USP42: variants seen among roughly 807,000 people sequenced by gnomAD.
The protein encoded by USP42 is ubiquitin carboxyl-terminal hydrolase 42.
USP42 carries 23 observed loss-of-function variants against 113.0 expected under a neutral mutation model. The observed-to-expected ratio is 0.20, with a 90% CI of 0.15 to 0.29. The LOEUF is 0.29. Ranked by LOEUF, USP42 falls within the 10% of genes least tolerant of loss-of-function variation. USP42 has a pLI of 1.00. For synonymous variants in USP42, 933 were observed against 699.0 expected (o/e 1.33, Z -5.28); for missense variants, 2,174 against 1,779.8 (o/e 1.22, Z -3.99).
chr7:6,086,570 A>C, the USP42 span, among the ~76,000 whole-genome samples: 44 of 150,418 alleles, frequency 2.9e-4, 3 homozygotes, highest in African/African-American at 1.0e-3. Context: ...TGCTGGTTTC[A>C]AACTCCTGAC....
At chr7:6,082,452 C>T in the USP42 span, among the ~76,000 whole-genome samples, 2 of 145,870 alleles carry the variant, frequency 1.4e-5, no homozygotes, top group African/African-American at 5.6e-5. Flanking sequence ...TCCACCTAAA[C>T]ATATAAAATA....
the USP42 span, among the ~76,000 whole-genome samples, chr7:6,092,181 T>C: frequency 8.6e-5 from 12 of 139,118 alleles, no homozygotes; most frequent in East Asian, 2.0e-4. Context: ...TTCTTCTCTT[T>C]TTTTTTTTTT....
At chr7:6,085,016 G>C in the USP42 span, 1 of 151,210 alleles carries the variant, frequency 6.6e-6, no homozygotes, top group Non-Finnish European at 1.5e-5. Flanking sequence ...ACCGCACCCA[G>C]CCAAGGACTC....
At chr7:6,112,604 G>A (rs1350958688) in intron 2 of USP42, among the ~76,000 whole-genome samples, 1 of 152,218 alleles carries the variant, frequency 6.6e-6, no homozygotes, top group Non-Finnish European at 1.5e-5. Flanking sequence ...TTGAGGACAT[G>A]AAGATTTGAA....
chr7:6,103,241 A>C (rs1473367732), upstream of USP42, among the ~76,000 whole-genome samples: 2 of 151,048 alleles, frequency 1.3e-5, no homozygotes, highest in African/African-American at 2.5e-5. Flanking sequence ...AGCCTGTACA[A>C]TGCTAGGATT....
At chr7:6,135,742 T>C (rs1781105303) in intron 3 of USP42, 99 bp from the exon 4 acceptor site, 2 of 500,166 alleles carry the variant, frequency 4.0e-6, no homozygotes, top group East Asian at 7.0e-5. Flanking sequence ...ATAGCAGCTA[T>C]TATTTCATTT....
chr7:6,155,275 G>A (rs1782380449), intron 15 of USP42, 80 bp downstream of exon 15: 1 of 1,442,520 alleles, frequency 6.9e-7, no homozygotes, highest in African/African-American at 1.4e-5. Flanking sequence ...CTCGACTCAG[G>A]AACAAGTGAC....
intron 2 of USP42, among the ~76,000 whole-genome samples, chr7:6,112,805 T>C (rs998205410): frequency 2.6e-5 from 4 of 152,120 alleles, no homozygotes; most frequent in African/African-American, 7.2e-5. Context: ...AGACAATTTG[T>C]CTTCCAGTGT....
intron 3 of USP42, among the ~76,000 whole-genome samples, chr7:6,121,102 C>A (rs1780202927): frequency 6.6e-6 from 1 of 151,772 alleles, no homozygotes; most frequent in Non-Finnish European, 1.5e-5. Flanking sequence ...GATAATTTTA[C>A]TTCTCCATTT....
At chr7:6,137,223 A>G (rs1177535717) in intron 4 of USP42, among the ~76,000 whole-genome samples, 1 of 152,252 alleles carries the variant, frequency 6.6e-6, no homozygotes, top group African/African-American at 2.4e-5. Context: ...GCCACTGAAG[A>G]TTAAAGAGGT....
At chr7:6,092,057 C>CTTTT in the USP42 span, among the ~76,000 whole-genome samples, 1 of 56,576 alleles carries the variant, frequency 1.8e-5, no homozygotes, top group Non-Finnish European at 3.6e-5. Context: ...CTTCTTCTTT[C>CTTTT]TTCTTCTTCT....
Position 6,146,265 on chromosome 7 carries a change from A to C in USP42, c.1232+17A>C, listed in dbSNP as rs1198505197. ...TTATATCAGGTATTGTCATGAAAAC[A>C]AATTGCCAGATTTTCTGGTATGTCA... On this transcript the variant is annotated intron_variant, in intron 11 of 17. Coordinates refer to ENST00000306177, the MANE Select transcript of USP42 (RefSeq NM_032172.3). 1.9e-5 allele frequency: 28 copies of C among 1,489,378 alleles called. No individual in the cohort carries two copies. The highest frequency in any genetic ancestry group is 2.5e-5 in the Non-Finnish European group (27 of 1,095,560). 92.3% of individuals were successfully genotyped at this position (1,489,378 alleles called of 1,614,324 possible).
At chr7:6,156,080 G>A (rs533135580) in intron 15 of USP42, among the ~76,000 whole-genome samples, 1 of 152,296 alleles carries the variant, frequency 6.6e-6, no homozygotes, top group South Asian at 2.1e-4. Context: ...GTTGGTGATT[G>A]TCTTGAAAAT....
chr7:6,128,483 C>G (rs1369436903), intron 3 of USP42, among the ~76,000 whole-genome samples: 1 of 152,046 alleles, frequency 6.6e-6, no homozygotes, highest in Non-Finnish European at 1.5e-5. Flanking sequence ...CTTTTTTATC[C>G]TTTTACTTTC....
At chr7:6,123,025 CG>C (rs1246144622) in intron 3 of USP42, among the ~76,000 whole-genome samples, 1 of 151,130 alleles carries the variant, frequency 6.6e-6, no homozygotes, top group Non-Finnish European at 1.5e-5. Context: ...GGGTTTCGCC[CG>C]TGTTGGCTAG....
At chr7:6,128,715 C>T (rs1442300494) in intron 3 of USP42, among the ~76,000 whole-genome samples, 3 of 151,582 alleles carry the variant, frequency 2.0e-5, no homozygotes, top group African/African-American at 7.3e-5. Flanking sequence ...GTTTTTTGTT[C>T]TGTTCTTTTT....
At position 6,150,150 on chromosome 7, in the gene USP42, C is replaced by G. The variant is rs771917986; in HGVS notation, c.1954C>G (p.Gln652Glu). 1.9e-6 allele frequency: 3 copies of G among 1,613,796 alleles called. No individual in the cohort carries two copies. The highest frequency in any genetic ancestry group is 1.6e-4 in the Middle Eastern group (1 of 6,062). The change falls in exon 13 of 18, where the codon CAA becomes GAA. Residue 652 changes from glutamine to glutamate, a missense_variant. Coordinates refer to ENST00000306177, the MANE Select transcript of USP42 (RefSeq NM_032172.3). Reference sequence around the variant, plus strand: ...TGAGGAGGCCACTCCGCACGAGCTTCAAGAACCCATGACCCTAAACGGTGC... The same window carrying G: ...TGAGGAGGCCACTCCGCACGAGCTTGAAGAACCCATGACCCTAAACGGTGC... ...EDEEATPHEL[Q>E]EPMTLNGANS...
At chr7:6,126,288 CT>C (rs56398714) in intron 3 of USP42, among the ~76,000 whole-genome samples, 358 of 142,612 alleles carry the variant, frequency 2.5e-3, no homozygotes, top group Middle Eastern at 7.2e-3. Context: ...GCCACAGTTT[CT>C]TTTTTTTTTT....
Position 6,154,660 on chromosome 7 carries a change from C to G in USP42, c.3106C>G (p.His1036Asp). ...SGVELDWVRH[H>D]YTEGERGWGR... The stretch of plus-strand genomic sequence containing the variant: ...GGTGGAGCTGGACTGGGTCAGACAC[C>G]ACTACACCGAGGGCGAGCGTGGCTG... The change falls in exon 15 of 18, where the codon CAC becomes GAC. Residue 1036 changes from histidine (H) to aspartate (D), a missense_variant. Coordinates refer to ENST00000306177, the MANE Select transcript of USP42 (RefSeq NM_032172.3). The G allele has an allele frequency of 6.2e-7, 1 of 1,606,328 alleles. No individual in the cohort carries two copies. The highest frequency in any genetic ancestry group is 8.5e-7 in the Non-Finnish European group (1 of 1,177,332).
Sources: allele counts gnomAD v4.1 joint callset (sites outside exome capture counted in the v4.1 genomes callset), GRCh38; gene constraint gnomAD v4.1.1; transcripts MANE v1.5; gene names NCBI Gene and HGNC (gene_info 2026-07-23, HGNC 2026-07-21).